The following TSHZ3 variants were observed in gnomAD, a reference collection of about 807,000 sequenced individuals.
TSHZ3 encodes the protein teashirt homolog 3.
In TSHZ3, 10 loss-of-function variants were observed where a neutral mutation model predicts 64.5. The ratio of observed to expected loss-of-function variants is 0.16; its 90% CI spans 0.10 to 0.26. The LOEUF is 0.26. Among genes scored for constraint, TSHZ3 ranks in the 10% least tolerant of loss-of-function variants. The probability of loss-of-function intolerance (pLI) is 1.00; values close to 1 mark genes in which losing one functional copy is unlikely to be tolerated. For synonymous variants in TSHZ3, 608 were observed against 593.1 expected, an observed-to-expected ratio of 1.03 and a Z score of -0.36; for missense variants, 1,242 against 1,421.7, an observed-to-expected ratio of 0.87 and a Z score of 2.03.
rs1976228571 is a variant in TSHZ3, at chr19:31,276,187, T to C, written c.*360A>G. On this transcript the variant is annotated 3_prime_UTR_variant, in exon 2 of 2. Transcript: ENST00000240587. ...GGGCTAAAGATGAAAGGGTGAGAAA[T>C]GCCAGCACACTCGAGTCTCGTGGAA... 5.8e-6 allele frequency: 1 copy of C among 173,818 alleles called. No homozygotes were observed. The highest frequency in any genetic ancestry group is 2.4e-5 in the African/African-American group (1 of 42,350). 10.8% of individuals were successfully genotyped at this position (173,818 alleles called of 1,614,324 possible).
intron 5 of TSHZ3, among the ~76,000 whole-genome samples, chr19:31,200,082 A>C (rs550668285): frequency 2.0e-4 from 30 of 152,118 alleles, no homozygotes; most frequent in Non-Finnish European, 4.0e-4. Context: ...TGCTGGTAAG[A>C]ACATGAAGCA....
At chr19:31,213,590 G>T (rs566836060) in intron 4 of TSHZ3, among the ~76,000 whole-genome samples, 1 of 152,264 alleles carries the variant, frequency 6.6e-6, no homozygotes, top group South Asian at 2.1e-4. Flanking sequence ...GGTCAATGTA[G>T]GTTCCTCAGT....
intron 1 of TSHZ3, among the ~76,000 whole-genome samples, chr19:31,327,267 T>C (rs1916958063): frequency 6.6e-6 from 1 of 152,258 alleles, no homozygotes; most frequent in Admixed American, 6.5e-5. Context: ...TTTGAGCCTC[T>C]GGGCTACCGC....
Position 31,261,396 on chromosome 19 carries a change from C to CG in TSHZ3, n.64-18522dup, listed in dbSNP as rs1975982032. ...GGAAGAAGCACCGATAGGCAAAGCC[C>CG]GAGGGGTGGCCTTGGAGGGACAGGG... On this transcript the variant is annotated intron_variant and non_coding_transcript_variant, in intron 1 of 6. Coordinates refer to the TSHZ3 transcript ENST00000651361. Among the ~76,000 whole-genome samples, 7 of 152,188 alleles carry CG rather than the reference C, an allele frequency of 4.6e-5. No homozygotes were observed. The South Asian group carries it at 1.5e-3, about 32-fold the overall frequency.
In TSHZ3 at chr19:31,277,940, G is replaced by C. The variant is rs769891026; in HGVS notation, c.1853C>G (p.Thr618Ser). The C allele has an allele frequency of 3.1e-6, 5 of 1,614,236 alleles. No individual in the cohort carries two copies. Among genetic ancestry groups the C allele is most frequent in the Middle Eastern group, 3.3e-4 (2 of 6,062 alleles). ...CTCCTCCACTTTGGCAACTTTCTCA[G>C]TGACCTTTTTCACCAGCTCCTCCAT... ...HAMEELVKKVTEKVAKVEEKM... is the reference protein window; with the variant it reads ...HAMEELVKKVSEKVAKVEEKM... Residue 618 changes from threonine (T) to serine (S), a missense_variant, in exon 2 of 2, where the codon ACT becomes AGT. By Grantham distance (58) the Thr-to-Ser change is moderately conservative. Transcript: ENST00000240587. The surrounding 1 kb of genome is among the most constrained non-coding windows in gnomAD (Gnocchi z 4.5).
intron 5 of TSHZ3, among the ~76,000 whole-genome samples, chr19:31,184,632 A>C (rs2145130797): frequency 6.6e-6 from 1 of 152,288 alleles, no homozygotes; most frequent in South Asian, 2.1e-4. Context: ...TGCTAATTAA[A>C]CTGCATTTTT....
intron 1 of TSHZ3, among the ~76,000 whole-genome samples, chr19:31,326,860 G>A (rs1200124197): frequency 6.6e-6 from 1 of 152,190 alleles, no homozygotes; most frequent in Non-Finnish European, 1.5e-5. Flanking sequence ...TCCTCCCCAA[G>A]TCTCACGCAG....
At chr19:31,213,526 TACA>T (rs1188902755) in intron 4 of TSHZ3, among the ~76,000 whole-genome samples, 7 of 152,082 alleles carry the variant, frequency 4.6e-5, no homozygotes, top group Non-Finnish European at 8.8e-5. Flanking sequence ...CCATAGAATG[TACA>T]ACATCAAGAG....
At chr19:31,250,871 GCTGGGGCAGTAT>G (rs1295679862) in intron 1 of TSHZ3, among the ~76,000 whole-genome samples, 2 of 152,180 alleles carry the variant, frequency 1.3e-5, no homozygotes, top group Admixed American at 1.3e-4. Context: ...CTAGCAGTAG[GCTGGGGCAGTAT>G]CTCCTCGTGG....
chr19:31,274,043 C>T (rs1272496203), downstream of TSHZ3, among the ~76,000 whole-genome samples: 1 of 152,084 alleles, frequency 6.6e-6, no homozygotes, highest in Non-Finnish European at 1.5e-5. Context: ...AATTTGGACT[C>T]CTCTTGAGAA....
intron 1 of TSHZ3, among the ~76,000 whole-genome samples, chr19:31,292,160 A>G (rs1225887013): frequency 6.6e-6 from 1 of 152,204 alleles, no homozygotes; most frequent in African/African-American, 2.4e-5. Flanking sequence ...TGGATCCAAT[A>G]AATTAGAAGA....
intron 4 of TSHZ3, among the ~76,000 whole-genome samples, chr19:31,220,184 T>C (rs1181167732): frequency 6.6e-6 from 1 of 152,188 alleles, no homozygotes; most frequent in Non-Finnish European, 1.5e-5. Context: ...TGTATGTTAT[T>C]TTTGTCAAAC....
At chr19:31,254,455 C>T (rs1290418501) in intron 1 of TSHZ3, among the ~76,000 whole-genome samples, 1 of 152,148 alleles carries the variant, frequency 6.6e-6, no homozygotes, top group African/African-American at 2.4e-5. Context: ...GGAAAGGGGG[C>T]CGGTCAGCAC....
chr19:31,205,751 C>T (rs1368995500), intron 4 of TSHZ3, among the ~76,000 whole-genome samples: 2 of 152,216 alleles, frequency 1.3e-5, no homozygotes, highest in Non-Finnish European at 2.9e-5. Context: ...CCTCTCAGCT[C>T]CTTAGCACTT....
chr19:31,319,803 GA>G (rs199726156), intron 1 of TSHZ3, among the ~76,000 whole-genome samples: 6 of 150,402 alleles, frequency 4.0e-5, no homozygotes, highest in Admixed American at 1.3e-4. Flanking sequence ...AAGCTGCTTT[GA>G]AAAAAAAAGG....
At chr19:31,156,939 A>G (rs902016982) in intron 5 of TSHZ3, among the ~76,000 whole-genome samples, 5 of 152,134 alleles carry the variant, frequency 3.3e-5, no homozygotes, top group South Asian at 2.1e-4. Context: ...CTGCTGCCCA[A>G]TGTGACCAGG....
intron 3 of TSHZ3, among the ~76,000 whole-genome samples, chr19:31,232,723 C>T (rs888856695): frequency 1.3e-5 from 2 of 152,294 alleles, no homozygotes; most frequent in South Asian, 2.1e-4. Flanking sequence ...CATCCTACCC[C>T]CTGCTCCAGT....
At chr19:31,173,160 G>T (rs1236033420) in intron 5 of TSHZ3, among the ~76,000 whole-genome samples, 1 of 152,184 alleles carries the variant, frequency 6.6e-6, no homozygotes, top group Non-Finnish European at 1.5e-5. Context: ...TAGCCTGGAG[G>T]TGAGGGACCA....
At chr19:31,180,059 G>T (rs1464469230) in intron 5 of TSHZ3, among the ~76,000 whole-genome samples, 1 of 152,086 alleles carries the variant, frequency 6.6e-6, no homozygotes, top group Admixed American at 6.5e-5. Context: ...TAAAGCCCCT[G>T]GTCCTGGCAA....
Sources: gnomAD v4.1 joint callset for allele counts (sites outside exome capture counted in the v4.1 genomes callset) on GRCh38, gnomAD v4.1.1 for gene constraint, Gnocchi (gnomAD v3.1) non-coding constraint, MANE v1.5 for transcripts, NCBI Gene and HGNC (gene_info 2026-07-23, HGNC 2026-07-21) for gene names.